PRR5L: variants seen among roughly 807,000 people sequenced by gnomAD.
PRR5L encodes proline-rich protein 5-like.
Under a neutral mutation model 36.4 loss-of-function variants are expected in PRR5L, and 21 were observed. The ratio of observed to expected loss-of-function variants is 0.58; its 90% CI spans 0.41 to 0.83. The LOEUF (loss-of-function observed/expected upper bound fraction) is 0.83, where lower values mean the gene tolerates loss of function less well. Among genes scored for constraint, PRR5L ranks in the 40% least tolerant of loss-of-function variants. PRR5L has a pLI of 0.00. For missense variants in PRR5L, 381 were observed against 473.3 expected (o/e 0.80, Z 1.81); for synonymous variants, 188 against 197.0 (o/e 0.95, Z 0.38).
chr11:36,324,272 G>A (rs1856639414), intron 1 of PRR5L, among the ~76,000 whole-genome samples: 1 of 152,178 alleles, frequency 6.6e-6, no homozygotes, highest in African/African-American at 2.4e-5. Context: ...ACTGTGCTGT[G>A]TTCCAGAAGC....
In PRR5L at chr11:36,462,573, A is replaced by AG; in HGVS notation, c.946dup (p.Ala316GlyfsTer4). On this transcript the variant is annotated frameshift_variant, in exon 9 of 9. Coordinates refer to ENST00000530639, the MANE Select transcript of PRR5L (RefSeq NM_001160167.2). LOFTEE classifies it high-confidence loss of function. The stretch of plus-strand genomic sequence containing the variant: ...ATGATGCACTCGGGCCTGGGGGAGG[A>AG]GGCCAGCAGTGAGAACAAGTGCCTG... The AG allele has an allele frequency of 6.2e-7, 1 of 1,612,972 alleles. No individual in the cohort carries two copies.
At chr11:36,351,371 T>C in intron 1 of PRR5L, among the ~76,000 whole-genome samples, 1 of 86,518 alleles carries the variant, frequency 1.2e-5, no homozygotes, top group Non-Finnish European at 2.0e-5. Flanking sequence ...TAAATATATA[T>C]ACATATATAT....
chr11:36,302,438 T>A (rs977038977), intron 1 of PRR5L, among the ~76,000 whole-genome samples: 1 of 152,162 alleles, frequency 6.6e-6, no homozygotes, highest in Non-Finnish European at 1.5e-5. Flanking sequence ...TAGAGTCTTA[T>A]AAGTTTGGAC....
chr11:36,366,827 A>G (rs897180747), intron 1 of PRR5L, among the ~76,000 whole-genome samples: 3 of 152,172 alleles, frequency 2.0e-5, no homozygotes, highest in African/African-American at 7.2e-5. Context: ...TGAATAGCCT[A>G]AATAAACTAT....
chr11:36,422,396 G>C (rs567479914), intron 4 of PRR5L, among the ~76,000 whole-genome samples: 1 of 152,190 alleles, frequency 6.6e-6, no homozygotes, highest in Admixed American at 6.5e-5. Flanking sequence ...GGGTGGACAG[G>C]AAAGTCACCA....
intron 8 of PRR5L, 49 bp downstream of exon 8, chr11:36,451,384 C>T (rs1304817187): frequency 6.2e-7 from 1 of 1,605,944 alleles, no homozygotes; most frequent in Admixed American, 1.7e-5. Flanking sequence ...GATCATGATA[C>T]CAGCACTGTT....
At chr11:36,367,402 C>A (rs1249117265) in intron 1 of PRR5L, among the ~76,000 whole-genome samples, 1 of 152,196 alleles carries the variant, frequency 6.6e-6, no homozygotes, top group East Asian at 1.9e-4. Flanking sequence ...AAGCATTGTG[C>A]CAAGTATTTC....
intron 1 of PRR5L, among the ~76,000 whole-genome samples, chr11:36,368,185 T>G (rs942216665): frequency 6.6e-6 from 1 of 151,994 alleles, no homozygotes; most frequent in Non-Finnish European, 1.5e-5. Context: ...TGGAGAATTA[T>G]GAAAAGAGCA....
At chr11:36,419,123 G>C (rs1858210482) in intron 3 of PRR5L, 132 bp from the exon 4 acceptor site, 1 of 767,968 alleles carries the variant, frequency 1.3e-6, no homozygotes, top group Non-Finnish European at 2.4e-6. Context: ...GGGGAAGGGG[G>C]ACCAGGACCT....
At chr11:36,366,448 A>G (rs938356718) in intron 1 of PRR5L, among the ~76,000 whole-genome samples, 1 of 152,158 alleles carries the variant, frequency 6.6e-6, no homozygotes, top group African/African-American at 2.4e-5. Flanking sequence ...AGGGAGGAAG[A>G]GGGAGGCATA....
At chr11:36,351,300 A>ACT (rs1856943572) in intron 1 of PRR5L, among the ~76,000 whole-genome samples, 4 of 58,810 alleles carry the variant, frequency 6.8e-5, no homozygotes, top group African/African-American at 2.9e-4. Flanking sequence ...ATATATTTAT[A>ACT]TATATATTTA....
At chr11:36,339,893 C>A (rs554394061) in intron 1 of PRR5L, among the ~76,000 whole-genome samples, 70 of 152,322 alleles carry the variant, frequency 4.6e-4, no homozygotes, top group Non-Finnish European at 8.7e-4. Context: ...GCCAACCTAC[C>A]ACTCCCCATC....
chr11:36,360,015 C>T (rs1027533986), intron 1 of PRR5L, among the ~76,000 whole-genome samples: 5 of 150,400 alleles, frequency 3.3e-5, no homozygotes, highest in Non-Finnish European at 5.9e-5. Context: ...CCAGCCTGGG[C>T]GACAGAGTGA....
At chr11:36,414,740 G>T (rs1020944284) in intron 3 of PRR5L, among the ~76,000 whole-genome samples, 28 of 148,024 alleles carry the variant, frequency 1.9e-4, no homozygotes, top group African/African-American at 4.1e-4. Context: ...GTCAATTTTG[G>T]CTTTTGTTGC....
chr11:36,323,023 G>A (rs1856627962), intron 1 of PRR5L, among the ~76,000 whole-genome samples: 1 of 152,158 alleles, frequency 6.6e-6, no homozygotes, highest in Non-Finnish European at 1.5e-5. Context: ...GCATATCCCT[G>A]TGCACACCTT....
At chr11:36,423,809 G>A (rs1234100925) in intron 4 of PRR5L, among the ~76,000 whole-genome samples, 1 of 152,158 alleles carries the variant, frequency 6.6e-6, no homozygotes, top group Non-Finnish European at 1.5e-5. Context: ...GATTTGGCCA[G>A]TACTTAGAGA....
rs570373519 is a variant in PRR5L, at chr11:36,383,333, T to C, written c.-125-17664T>C. 2.6e-5 allele frequency among the ~76,000 whole-genome samples: 4 copies of C among 152,346 alleles called. No individual in the cohort carries two copies. In the East Asian group the frequency reaches 7.7e-4, roughly 29 times the overall value. On this transcript the variant is annotated intron_variant, in intron 1 of 8. Coordinates refer to ENST00000530639, the MANE Select transcript of PRR5L (RefSeq NM_001160167.2). ...TCTGTAACCTTCACAATATCTCTTT[T>C]CTTTGGCCCTCACAGTCAACAGCTG...
intron 8 of PRR5L, among the ~76,000 whole-genome samples, chr11:36,456,001 A>C (rs1260185155): frequency 6.6e-6 from 1 of 152,176 alleles, no homozygotes; most frequent in African/African-American, 2.4e-5. Context: ...CTCTCCTGTG[A>C]GTCATCAGCA....
At chr11:36,341,796 C>A (rs373551101) in intron 1 of PRR5L, among the ~76,000 whole-genome samples, 1 of 152,198 alleles carries the variant, frequency 6.6e-6, no homozygotes, top group Non-Finnish European at 1.5e-5. Context: ...TGGTGTTTAC[C>A]TGGTTTTCCA....
Sources: gnomAD v4.1 joint callset for allele counts (sites outside exome capture counted in the v4.1 genomes callset) on GRCh38, gnomAD v4.1.1 for gene constraint, MANE v1.5 for transcripts, NCBI Gene and HGNC (gene_info 2026-07-23, HGNC 2026-07-21) for gene names.